The following NHLRC2 variants were observed in gnomAD, a reference collection of about 807,000 sequenced individuals.
The protein encoded by NHLRC2 is NHL repeat-containing protein 2.
A neutral mutation model predicts 68.1 loss-of-function variants in NHLRC2; 33 were observed. That is an observed-to-expected ratio of 0.48 (90% CI 0.37 to 0.65). NHLRC2 has a LOEUF of 0.65. Ranked by LOEUF, NHLRC2 falls within the 30% of genes least tolerant of loss-of-function variation. NHLRC2 has a pLI of 0.00. For synonymous variants in NHLRC2, 311 were observed against 309.6 expected, an observed-to-expected ratio of 1.00 and a Z score of -0.05; for missense variants, 761 against 853.8, an observed-to-expected ratio of 0.89 and a Z score of 1.35.
intron 2 of NHLRC2, 72 bp downstream of exon 2, chr10:113,858,752 C>A: frequency 9.6e-7 from 1 of 1,036,890 alleles, no homozygotes; most frequent in Non-Finnish European, 1.4e-6. Flanking sequence ...GACTCATTAG[C>A]TCATAGGAGA....
chr10:113,892,057 C>G, intron 5 of NHLRC2, among the ~76,000 whole-genome samples: 1 of 152,174 alleles, frequency 6.6e-6, no homozygotes, highest in Admixed American at 6.5e-5. Flanking sequence ...CTGCCCTTCC[C>G]TAGTGGCTTA....
At chr10:113,874,442 TTGTGTGTGTGTGTGTGTGTGTG>T (rs58207579) in intron 2 of NHLRC2, among the ~76,000 whole-genome samples, 4,547 of 125,752 alleles carry the variant, frequency 0.036, 266 homozygotes, top group African/African-American at 0.12. Flanking sequence ...AGGCATGTGT[TTGTGTGTGTGTGTGTGTGTGTG>T]TGTGTGTGTG....
chr10:113,896,644 T>A (rs993141942), intron 5 of NHLRC2, among the ~76,000 whole-genome samples: 2 of 151,966 alleles, frequency 1.3e-5, no homozygotes, highest in African/African-American at 4.8e-5. Flanking sequence ...TGTGCACATG[T>A]ACCCTAAAAC....
In NHLRC2 at chr10:113,915,242, AT is replaced by A. The variant is rs1846371869; in HGVS notation, c.*6709del. 1 of 456,178 alleles carries A rather than the reference AT, an allele frequency of 2.2e-6. No individual in the cohort carries two copies. Among genetic ancestry groups the A allele is most frequent in the Admixed American group, 2.3e-5 (1 of 42,570 alleles). 28.3% of individuals were successfully genotyped at this position (456,178 alleles called of 1,614,324 possible). ...GGACCAAAAGGAAAATATTGCAACT[AT>A]TTGCAAACATACTTCCCTACCTGTA... On this transcript the variant is annotated 3_prime_UTR_variant, in exon 11 of 11. Coordinates refer to ENST00000369301, the MANE Select transcript of NHLRC2 (RefSeq NM_198514.4).
chr10:113,873,465 G>C (rs761640906), intron 2 of NHLRC2, among the ~76,000 whole-genome samples: 1 of 152,122 alleles, frequency 6.6e-6, no homozygotes, highest in Non-Finnish European at 1.5e-5. Context: ...ATAGGTAGTT[G>C]ACCTTATGTT....
intron 2 of NHLRC2, among the ~76,000 whole-genome samples, chr10:113,866,231 A>G (rs1845867006): frequency 6.6e-6 from 1 of 152,252 alleles, no homozygotes; most frequent in Non-Finnish European, 1.5e-5. Flanking sequence ...CCTACTTAAT[A>G]GGAATGAATT....
chr10:113,910,027 T>C lies in NHLRC2; in HGVS notation c.*1491T>C, dbSNP rs1026878220. On this transcript the variant is annotated 3_prime_UTR_variant, in exon 11 of 11. Coordinates refer to ENST00000369301, the MANE Select transcript of NHLRC2 (RefSeq NM_198514.4). ...ATCATGACATTGATTTAATTAGTCA[T>C]CTACTGAAGCTACTTTTAAAGAGAA... The C allele has an allele frequency of 1.3e-5, 2 of 152,194 alleles. No homozygotes were observed. Among genetic ancestry groups the C allele is most frequent in the African/African-American group, 4.8e-5 (2 of 41,448 alleles). The allele number at this position is 152,194 out of a possible 1,614,324, so 9.4% of individuals were successfully genotyped here. A position where few individuals can be genotyped will look rare whatever the true frequency, so the allele number is the denominator to read the frequency against.
At chr10:113,899,418 T>G (rs1359936040) in intron 6 of NHLRC2, among the ~76,000 whole-genome samples, 1 of 152,228 alleles carries the variant, frequency 6.6e-6, no homozygotes, top group Non-Finnish European at 1.5e-5. Flanking sequence ...AGTGTGTATG[T>G]TTGTGCATGT....
Position 113,917,194 on chromosome 10 carries a change from A to G in NHLRC2, c.*8658A>G, listed in dbSNP as rs1846395347. 6.6e-6 allele frequency: 1 copy of G among 152,092 alleles called. No individual in the cohort carries two copies. The highest frequency in any genetic ancestry group is 1.5e-5 in the Non-Finnish European group (1 of 68,014). The allele number at this position is 152,092 out of a possible 1,614,324, so 9.4% of individuals were successfully genotyped here. ...ATAGATTAAATATTTTCTCTCTAAA[A>G]CCATGTTTCTGTTTTAATGTGCTTT... is the stretch of plus-strand genomic sequence containing the variant. On this transcript the variant is annotated 3_prime_UTR_variant, in exon 11 of 11. Transcript: ENST00000369301.
intron 2 of NHLRC2, among the ~76,000 whole-genome samples, chr10:113,860,770 T>C (rs1196248567): frequency 1.3e-5 from 2 of 152,160 alleles, no homozygotes; most frequent in Non-Finnish European, 2.9e-5. Flanking sequence ...AAAAGTGGAC[T>C]AACAGTGAGG....
At chr10:113,889,280 A>G (rs561373601) in intron 5 of NHLRC2, among the ~76,000 whole-genome samples, 27 of 152,262 alleles carry the variant, frequency 1.8e-4, no homozygotes, top group Non-Finnish European at 3.7e-4. Flanking sequence ...ACAACCTTTA[A>G]TGGTTGAAAT....
intron 4 of NHLRC2, among the ~76,000 whole-genome samples, chr10:113,883,094 G>A (rs943049272): frequency 9.2e-5 from 14 of 151,782 alleles, no homozygotes; most frequent in African/African-American, 3.4e-4. Context: ...AAATTGGGAA[G>A]TATAAGTCCT....
Position 113,908,516 on chromosome 10 carries a change from G to A in NHLRC2, c.2161G>A (p.Glu721Lys), listed in dbSNP as rs1205394753. 4 of 1,613,918 alleles carry A rather than the reference G, an allele frequency of 2.5e-6. No individual in the cohort carries two copies. The highest frequency in any genetic ancestry group is 3.4e-6 in the Non-Finnish European group (4 of 1,179,980). The change falls in exon 11 of 11, where the codon GAG (glutamate) becomes AAG (lysine). Residue 721 changes from glutamate (E) to lysine (K), a missense_variant. Coordinates refer to ENST00000369301, the MANE Select transcript of NHLRC2 (RefSeq NM_198514.4). ...DTQQGCIAPVELRYVF is the reference protein window; with the variant it reads ...DTQQGCIAPVKLRYVF Reference sequence around the variant, plus strand: ...ACAGCAAGGTTGCATAGCTCCAGTAGAGCTCAGGTATGTATTTTAGCCAGC... The same window carrying A: ...ACAGCAAGGTTGCATAGCTCCAGTAAAGCTCAGGTATGTATTTTAGCCAGC...
At position 113,915,012 on chromosome 10, in the gene NHLRC2, C is replaced by A; in HGVS notation, c.*6476C>A. The A allele has an allele frequency of 2.2e-6, 1 of 456,264 alleles. No individual in the cohort carries two copies. The highest frequency in any genetic ancestry group is 3.3e-4 in the Middle Eastern group (1 of 3,076). The allele number at this position is 456,264 out of a possible 1,614,324, so 28.3% of individuals were successfully genotyped here. Reference sequence around the variant, plus strand: ...CTGGGTAAGGTGGAACAGGAGGCAGCCCCACTCGGCTTTTCTGATTGCATC... The same window carrying A: ...CTGGGTAAGGTGGAACAGGAGGCAGACCCACTCGGCTTTTCTGATTGCATC... On this transcript the variant is annotated 3_prime_UTR_variant, in exon 11 of 11. Transcript: ENST00000369301.
At chr10:113,879,547 T>C (rs1395434042) in intron 3 of NHLRC2, 27 bp from the exon 4 acceptor site, 1 of 1,583,216 alleles carries the variant, frequency 6.3e-7, no homozygotes, top group Non-Finnish European at 8.6e-7. Flanking sequence ...GATCACTTCT[T>C]AAGTGGCAAA....
At chr10:113,872,391 A>G (rs1845935381) in intron 2 of NHLRC2, among the ~76,000 whole-genome samples, 1 of 152,188 alleles carries the variant, frequency 6.6e-6, no homozygotes, top group African/African-American at 2.4e-5. Context: ...CAAAATGAAC[A>G]GGAATAGAAA....
rs78924476 is a variant in NHLRC2 at position 113,855,915 on chromosome 10, A to G, written c.178+865A>G. ...TCCTATCATTCCCCTTTCACAGTTG[A>G]GGAAATGGAAGCACAGAGAGGTTAA... On this transcript the variant is annotated intron_variant, in intron 1 of 10. Transcript: ENST00000369301. 5.7e-3 allele frequency among the ~76,000 whole-genome samples: 871 copies of G among 152,294 alleles called. 2 individuals are homozygous for G. The highest frequency in any genetic ancestry group is 0.027 in the Middle Eastern group (8 of 294).
At chr10:113,868,482 A>G (rs1264527520) in intron 2 of NHLRC2, among the ~76,000 whole-genome samples, 1 of 152,204 alleles carries the variant, frequency 6.6e-6, no homozygotes, top group East Asian at 1.9e-4. Context: ...ATATTTGGCA[A>G]TTGTGTTTGT....
chr10:113,906,244 CTAAT>C lies in NHLRC2; in HGVS notation c.1924+1213_1924+1216del, dbSNP rs536279002. On this transcript the variant is annotated intron_variant, in intron 10 of 10. Coordinates refer to ENST00000369301, the MANE Select transcript of NHLRC2 (RefSeq NM_198514.4). ...ACATTGGTCTGCATTGTCAGACACA[CTAAT>C]TAATATTGAGTCATTGGGATATAAA... Among the ~76,000 whole-genome samples, 40 of 152,180 alleles carry C rather than the reference CTAAT, an allele frequency of 2.6e-4. No individual in the cohort carries two copies. In the South Asian group the frequency reaches 7.3e-3, roughly 28 times the overall value.
Sources: gnomAD v4.1 joint callset for allele counts (sites outside exome capture counted in the v4.1 genomes callset) on GRCh38, gnomAD v4.1.1 for gene constraint, MANE v1.5 for transcripts, NCBI Gene and HGNC (gene_info 2026-07-23, HGNC 2026-07-21) for gene names.